ANKRD35: variants seen among roughly 807,000 people sequenced by gnomAD.
ANKRD35 encodes ankyrin repeat domain-containing protein 35.
Under a neutral mutation model 109.9 loss-of-function variants are expected in ANKRD35, and 102 were observed. The ratio of observed to expected loss-of-function variants is 0.93; its 90% CI spans 0.79 to 1.09. The LOEUF is 1.09. ANKRD35 is among the 50% of genes least tolerant of loss of function. The pLI is 0.00. For synonymous variants in ANKRD35, 515 were observed against 512.4 expected, an observed-to-expected ratio of 1.01 and a Z score of -0.07; for missense variants, 1,240 against 1,230.1, an observed-to-expected ratio of 1.01 and a Z score of -0.12.
At chr1:145,882,746 G>A (rs1421479079) in intron 1 of ANKRD35, among the ~76,000 whole-genome samples, 3 of 152,158 alleles carry the variant, frequency 2.0e-5, no homozygotes, top group Non-Finnish European at 4.4e-5. Context: ...GCTTTCAAAT[G>A]TCAAGATCCA....
At chr1:145,882,970 C>G (rs1654347107) in intron 1 of ANKRD35, among the ~76,000 whole-genome samples, 1 of 151,740 alleles carries the variant, frequency 6.6e-6, no homozygotes, top group African/African-American at 2.4e-5. Context: ...AGCACACCAG[C>G]AAGTAGAGAG....
Position 145,885,772 on chromosome 1 carries a change from G to T in ANKRD35, c.-14C>A. 1 of 1,610,674 alleles carries T rather than the reference G, an allele frequency of 6.2e-7. No homozygotes were observed. Among genetic ancestry groups the T allele is most frequent in the Non-Finnish European group, 8.5e-7 (1 of 1,176,986 alleles). On this transcript the variant is annotated 5_prime_UTR_variant, in exon 1 of 14. Coordinates refer to ENST00000355594, the MANE Select transcript of ANKRD35 (RefSeq NM_144698.5). Reference sequence around the variant, plus strand: ...GATACGCTTCATGGCCGGGGTCGGGGCCACGGGGGATGGGGACGCGCAGAG... The same window carrying T: ...GATACGCTTCATGGCCGGGGTCGGGTCCACGGGGGATGGGGACGCGCAGAG...
rs891865598 is a variant in ANKRD35, at chr1:145,876,258, G to A, written c.454-12C>T. The A allele has an allele frequency of 5.0e-6, 8 of 1,603,620 alleles. No individual in the cohort carries two copies. The South Asian group carries it at 6.6e-5, about 13-fold the overall frequency. ...GGTGTACGTCCATCCTGCACAGATT[G>A]TAGGAAGAGGTTCATGAGCAGCCAG... On this transcript the variant is annotated splice_polypyrimidine_tract_variant and intron_variant, in intron 6 of 13. Coordinates refer to ENST00000355594, the MANE Select transcript of ANKRD35 (RefSeq NM_144698.5).
In ANKRD35 at chr1:145,874,890, G is replaced by T; in HGVS notation, c.677C>A (p.Ala226Asp). ...DSTGHDALHYALHTQDKALWR... is the reference protein window; with the variant it reads ...DSTGHDALHYDLHTQDKALWR... ...CAGTGCCTTGTCTTGTGTGTGCAGA[G>T]CATAGTGCAGAGCATCATGCCCTGT... The change falls in exon 8 of 14, where the codon GCT becomes GAT. Residue 226 changes from alanine (A) to aspartate (D), a missense_variant. Ala to Asp is a moderately radical substitution (Grantham distance 126). Transcript: ENST00000355594. 6.2e-7 allele frequency: 1 copy of T among 1,613,690 alleles called. No homozygotes were observed. Among genetic ancestry groups the T allele is most frequent in the Non-Finnish European group, 8.5e-7 (1 of 1,179,794 alleles).
rs1200946472 is a variant in ANKRD35 at position 145,873,916 on chromosome 1, G to A, written c.853C>T (p.Gln285Ter). 1 of 1,614,020 alleles carries A rather than the reference G, an allele frequency of 6.2e-7. No individual in the cohort carries two copies. Among genetic ancestry groups the A allele is most frequent in the African/African-American group, 1.3e-5 (1 of 74,894 alleles). The change falls in exon 10 of 14, where the codon CAA becomes TAA. Residue 285 changes from glutamine (Q) to a stop codon, truncating the protein, a stop_gained. Transcript: ENST00000355594. LOFTEE classifies it high-confidence loss of function. The stretch of plus-strand genomic sequence containing the variant: ...GGGTCTTCATCCTCCTTCTCCTCTT[G>A]CTCCTCTTCAGGCTCTGCTCTCCAT... ...SSWRAEPEEE[Q>*]EEKEDEDPCS... is the part of the protein sequence containing the mutation.
In ANKRD35 at chr1:145,873,891, G is replaced by A. The variant is rs80055280; in HGVS notation, c.878C>T (p.Pro293Leu). 1.2e-4 allele frequency: 190 copies of A among 1,614,132 alleles called. No individual in the cohort carries two copies. In the East Asian group the frequency reaches 3.3e-3, roughly 28 times the overall value. Residue 293 changes from proline (P) to leucine (L), a missense_variant, in exon 10 of 14, where the codon CCG (proline) becomes CTG (leucine). Pro to Leu is a moderately conservative substitution (Grantham distance 98). Coordinates refer to ENST00000355594, the MANE Select transcript of ANKRD35 (RefSeq NM_144698.5). ...CTTCCACCTCCACTCCTCCGAGCAC[G>A]GGTCTTCATCCTCCTTCTCCTCTTG... ...EEQEEKEDED[P>L]CSEEWRWKYE...
At chr1:145,883,789 G>T (rs782213461) in intron 1 of ANKRD35, among the ~76,000 whole-genome samples, 4 of 152,200 alleles carry the variant, frequency 2.6e-5, no homozygotes, top group Non-Finnish European at 4.4e-5. Flanking sequence ...TGAGAAGTGT[G>T]GGGAAATTTC....
At position 145,876,126 on chromosome 1, in the gene ANKRD35, C is replaced by T. The variant is rs372364893; in HGVS notation, c.560+14G>A. On this transcript the variant is annotated intron_variant, in intron 7 of 13. Transcript: ENST00000355594. ...AGGCATGGGAATTGGGGTGCATAGA[C>T]GAGGGGGGCTCACTTGTCATTCTTG... The T allele has an allele frequency of 7.3e-5, 118 of 1,612,226 alleles. No individual in the cohort carries two copies. The highest frequency in any genetic ancestry group is 1.6e-4 in the Middle Eastern group (1 of 6,078).
At chr1:145,877,181 G>A (rs1406429275) in intron 4 of ANKRD35, among the ~76,000 whole-genome samples, 1 of 151,962 alleles carries the variant, frequency 6.6e-6, no homozygotes, top group Non-Finnish European at 1.5e-5. Flanking sequence ...GAAAGGATTA[G>A]GAAGAACGAA....
chr1:145,868,601 A>G (rs1255858448), intron 10 of ANKRD35, among the ~76,000 whole-genome samples: 2 of 152,238 alleles, frequency 1.3e-5, no homozygotes, highest in Non-Finnish European at 2.9e-5. Flanking sequence ...TAAGGTCACA[A>G]ACTTCGGTGA....
At chr1:145,880,404 C>T (rs1654244513) in intron 1 of ANKRD35, among the ~76,000 whole-genome samples, 1 of 152,182 alleles carries the variant, frequency 6.6e-6, no homozygotes, top group South Asian at 2.1e-4. Flanking sequence ...GGACCTAGTT[C>T]AGCTACATTC....
In ANKRD35 at chr1:145,872,546, C is replaced by T; in HGVS notation, c.2223G>A (p.Arg741=). Residue 741 remains arginine (R), a synonymous_variant, in exon 10 of 14, where the codon CGG becomes CGA. Coordinates refer to ENST00000355594, the MANE Select transcript of ANKRD35 (RefSeq NM_144698.5). ...GCCGAGCCAGCACCTGCTGGGCCTC[C>T]CGGTGCCGATCCACCAGGGTGCTGA... The part of the protein sequence containing the change: ...ACISTLVDRH[R]EAQQVLARLQ... The T allele has an allele frequency of 6.2e-7, 1 of 1,608,218 alleles. No individual in the cohort carries two copies. Among genetic ancestry groups the T allele is most frequent in the Non-Finnish European group, 8.5e-7 (1 of 1,177,254 alleles).
intron 6 of ANKRD35, 59 bp from the exon 7 acceptor site, chr1:145,876,305 C>A: frequency 1.3e-6 from 2 of 1,505,838 alleles, no homozygotes; most frequent in Non-Finnish European, 1.8e-6. Flanking sequence ...GCTTGACAAT[C>A]CTACCGGCTC....
At chr1:145,871,943 C>CT (rs1450651616) in intron 10 of ANKRD35, 39 bp downstream of exon 10, 1 of 1,600,050 alleles carries the variant, frequency 6.2e-7, no homozygotes, top group East Asian at 2.2e-5. Flanking sequence ...TACACAGAAA[C>CT]TTTCCCCAGT....
chr1:145,881,148 G>C (rs1023015281), intron 1 of ANKRD35, among the ~76,000 whole-genome samples: 1 of 152,174 alleles, frequency 6.6e-6, no homozygotes. Context: ...TTAGCTGGGG[G>C]TGGTGGCCGG....
At chr1:145,876,996 G>T in intron 4 of ANKRD35, 123 bp from the exon 5 acceptor site, 1 of 943,462 alleles carries the variant, frequency 1.1e-6, no homozygotes, top group Non-Finnish European at 1.6e-6. Flanking sequence ...CTTTGGAGAA[G>T]GCTATCTACT....
chr1:145,876,442 C>A, intron 6 of ANKRD35, 127 bp downstream of exon 6: 1 of 1,208,828 alleles, frequency 8.3e-7, no homozygotes. Flanking sequence ...AGAGGAGAAG[C>A]AGGAGGAGAA....
intron 2 of ANKRD35, 125 bp downstream of exon 2, chr1:145,879,133 T>A: frequency 3.2e-6 from 4 of 1,254,858 alleles, no homozygotes; most frequent in Non-Finnish European, 4.2e-6. Context: ...ATTGATATAC[T>A]TGCTAATTAA....
chr1:145,875,875 G>T (rs1047874180), intron 7 of ANKRD35, among the ~76,000 whole-genome samples: 6 of 152,178 alleles, frequency 3.9e-5, no homozygotes, highest in African/African-American at 1.4e-4. Flanking sequence ...TTGCATAAAA[G>T]ATAATTTGAC....
Sources: gnomAD v4.1 joint callset for allele counts (sites outside exome capture counted in the v4.1 genomes callset) on GRCh38, gnomAD v4.1.1 for gene constraint, MANE v1.5 for transcripts, NCBI Gene and HGNC (gene_info 2026-07-23, HGNC 2026-07-21) for gene names.